The following STRN4 variants were observed in gnomAD, a reference collection of about 807,000 sequenced individuals.
STRN4 encodes the protein striatin 4.
A neutral mutation model predicts 77.9 loss-of-function variants in STRN4; 27 were observed. That is an observed-to-expected ratio of 0.35 (90% confidence interval 0.26 to 0.48). The LOEUF (loss-of-function observed/expected upper bound fraction) is 0.48, where lower values mean the gene tolerates loss of function less well. Ranked by LOEUF, STRN4 falls within the 20% of genes least tolerant of loss-of-function variation. The pLI is 0.99. For missense variants in STRN4, 798 were observed against 1,049.7 expected (o/e 0.76, Z 3.31); for synonymous variants, 466 against 443.1 (o/e 1.05, Z -0.65).
In STRN4 at chr19:46,734,590, A is replaced by G. The variant is rs553546350; in HGVS notation, c.540-1354T>C. On this transcript the variant is annotated intron_variant, in intron 4 of 17. Coordinates refer to ENST00000263280, the MANE Select transcript of STRN4 (RefSeq NM_013403.3). ...TATATGTTGGGTTTTTTTCCTCCATAGGACCAAAGGAAGGAAATTATGAGG... is the reference window on the plus strand; with the variant it reads ...TATATGTTGGGTTTTTTTCCTCCATGGGACCAAAGGAAGGAAATTATGAGG... Among the ~76,000 whole-genome samples the G allele has an allele frequency of 5.9e-5, 9 of 152,342 alleles. No individual in the cohort carries two copies. The South Asian group carries it at 1.4e-3, about 25-fold the overall frequency.
At position 46,722,454 on chromosome 19, in the gene STRN4, G is replaced by C. The variant is rs1293318835; in HGVS notation, c.1907-114C>G. 8 of 1,150,904 alleles carry C rather than the reference G, an allele frequency of 7.0e-6. No homozygotes were observed. In the Admixed American group the frequency reaches 1.4e-4, roughly 20 times the overall value. The allele number at this position is 1,150,904 out of a possible 1,614,324, so 71.3% of individuals were successfully genotyped here. The stretch of plus-strand genomic sequence containing the variant: ...ACACCAGCCTCTGCCTGGATGTCGA[G>C]GGGGGCTGGGCGAGGGCACTCCGGT... On this transcript the variant is annotated intron_variant, in intron 14 of 17. Coordinates refer to ENST00000263280, the MANE Select transcript of STRN4 (RefSeq NM_013403.3).
intron 5 of STRN4, chr19:46,732,612 C>G (rs1284496144): frequency 5.9e-6 from 1 of 170,414 alleles, no homozygotes; most frequent in African/African-American, 2.4e-5. Context: ...CTCGTGGTCT[C>G]CATCGTGCTT....
At chr19:46,731,726 GAC>G (rs2054260096) in intron 5 of STRN4, 1 of 152,566 alleles carries the variant, frequency 6.6e-6, no homozygotes, top group African/African-American at 2.4e-5. Flanking sequence ...CAACGACACT[GAC>G]ACGCCGCACA....
intron 5 of STRN4, chr19:46,731,852 A>C (rs1160943209): frequency 6.6e-6 from 1 of 152,326 alleles, no homozygotes; most frequent in Admixed American, 6.5e-5. Flanking sequence ...TCACTCCTGC[A>C]GGCACTGCAG....
At chr19:46,734,323 G>A (rs148290012) in intron 4 of STRN4, among the ~76,000 whole-genome samples, 125 of 152,334 alleles carry the variant, frequency 8.2e-4, no homozygotes, top group African/African-American at 2.7e-3. Context: ...TGCCAGGCAC[G>A]TAATAGGTAC....
chr19:46,720,657 C>A lies in STRN4; in HGVS notation c.2207G>T (p.Ser736Ile). The change falls in exon 17 of 18, where the codon AGC becomes ATC. Residue 736 changes from serine (S) to isoleucine (I), a missense_variant. Physicochemically the swap from Ser to Ile is moderately radical, Grantham distance 142 (BLOSUM62 -2). This residue lies in a region of STRN4 where 287 missense variants were observed against 473.8 expected (regional missense o/e 0.61). Transcript: ENST00000263280. ...GCCAGCACTGGCAATGAGGGCCTTG[C>A]TGGGGTGGCAGGCAACAGCGTGGAT... is the stretch of plus-strand genomic sequence containing the variant. ...EAIHAVACHP[S>I]KALIASAGAD... 2 of 1,609,490 alleles carry A rather than the reference C, an allele frequency of 1.2e-6. No homozygotes were observed. The highest frequency in any genetic ancestry group is 1.7e-6 in the Non-Finnish European group (2 of 1,177,456).
intron 5 of STRN4, 99 bp from the exon 6 acceptor site, chr19:46,730,972 C>A: frequency 1.3e-6 from 2 of 1,532,588 alleles, no homozygotes; most frequent in East Asian, 2.3e-5. Flanking sequence ...GAGCCCAGAC[C>A]CAGCTAACCC....
At chr19:46,724,742 T>C (rs1405068006) in intron 12 of STRN4, 65 bp downstream of exon 12, 3 of 1,609,192 alleles carry the variant, frequency 1.9e-6, no homozygotes, top group Admixed American at 1.7e-5. Context: ...GCGACGTGTG[T>C]GTGCGTGGAG....
At chr19:46,724,966 A>T in intron 11 of STRN4, 38 bp from the exon 12 acceptor site, 3 of 1,613,026 alleles carry the variant, frequency 1.9e-6, no homozygotes, top group Non-Finnish European at 2.5e-6. Context: ...GGATGAGACA[A>T]GCTCAGGGCC....
In STRN4 at chr19:46,731,087, C is replaced by T. The variant is rs77606759; in HGVS notation, c.738-214G>A. On this transcript the variant is annotated intron_variant, in intron 5 of 17. Coordinates refer to ENST00000263280, the MANE Select transcript of STRN4 (RefSeq NM_013403.3). ...CTGGAAGCCTCACTCAGACCGCAAA[C>T]GGGGCCCAGCTCCTCAATGACCGCC... 5.0e-4 allele frequency among the ~76,000 whole-genome samples: 76 copies of T among 152,332 alleles called. No individual in the cohort carries two copies. In the East Asian group the frequency reaches 0.014, roughly 28 times the overall value.
chr19:46,737,041 C>A, intron 3 of STRN4, 140 bp from the exon 4 acceptor site: 1 of 670,588 alleles, frequency 1.5e-6, no homozygotes, highest in Non-Finnish European at 2.5e-6. Flanking sequence ...TGTTGGAACC[C>A]TGCTCTCTTC....
At chr19:46,722,219 G>C (rs767951898) in intron 15 of STRN4, 23 bp downstream of exon 15, 5 of 1,611,368 alleles carry the variant, frequency 3.1e-6, no homozygotes, top group East Asian at 2.2e-5. Context: ...CACCCACTAC[G>C]AGCACAAGGG....
intron 1 of STRN4, chr19:46,739,458 G>C (rs1160710587): frequency 6.3e-6 from 1 of 159,856 alleles, no homozygotes; most frequent in African/African-American, 2.4e-5. Context: ...TTCCGCCCAG[G>C]GTGTGAGAGA....
Position 46,730,821 on chromosome 19 carries a change from G to GC in STRN4, c.789dup (p.Gln264AlafsTer18). 1 of 1,612,636 alleles carries GC rather than the reference G, an allele frequency of 6.2e-7. No individual in the cohort carries two copies. ...TCGCAGTTCTGCAGGAAGGGGATCTGCCCCAGCACTGAGCCGCCCAAGCGC... is the reference window on the plus strand; with the variant it reads ...TCGCAGTTCTGCAGGAAGGGGATCTGCCCCCAGCACTGAGCCGCCCAAGCGC... On this transcript the variant is annotated frameshift_variant, in exon 6 of 18. Transcript: ENST00000263280. LOFTEE classifies it high-confidence loss of function.
chr19:46,728,091 C>T (rs1219800668), intron 7 of STRN4, 84 bp from the exon 8 acceptor site: 8 of 1,230,028 alleles, frequency 6.5e-6, no homozygotes, highest in Non-Finnish European at 8.1e-6. Context: ...ACACTGAGGG[C>T]CCCCTGCCAC....
intron 1 of STRN4, among the ~76,000 whole-genome samples, chr19:46,742,526 G>A (rs996177032): frequency 2.0e-5 from 3 of 152,076 alleles, no homozygotes; most frequent in Non-Finnish European, 2.9e-5. Context: ...GAGTAAACTG[G>A]TGGGTCAATG....
At position 46,746,274 on chromosome 19, in the gene STRN4, T is replaced by G; in HGVS notation, c.157A>C (p.Ser53Arg). ...PAGKGGGGGGSPGPTAGPEPL... is the reference protein window; with the variant it reads ...PAGKGGGGGGRPGPTAGPEPL... ...TCCGGGCCCGCCGTGGGCCCGGGGC[T>G]GCCTCCGCCGCCGCCTCCCTTACCT... The change falls in exon 1 of 18, where the codon AGC (serine) becomes CGC (arginine). Residue 53 changes from serine to arginine, a missense_variant. Ser to Arg is a moderately radical substitution (Grantham distance 110). Around this residue, in one of 2 missense-constraint regions of STRN4, gnomAD observed 511 missense variants for 575.9 expected, o/e 0.89. Coordinates refer to ENST00000263280, the MANE Select transcript of STRN4 (RefSeq NM_013403.3). The G allele has an allele frequency of 1.4e-6, 2 of 1,453,310 alleles. No individual in the cohort carries two copies. Among genetic ancestry groups the G allele is most frequent in the Non-Finnish European group, 9.0e-7 (1 of 1,106,174 alleles). 90.0% of individuals were successfully genotyped at this position (1,453,310 alleles called of 1,614,324 possible).
Position 46,728,620 on chromosome 19 carries a change from A to C in STRN4, c.1037T>G (p.Leu346Arg). Residue 346 changes from leucine (L) to arginine (R), a missense_variant and splice_region_variant, in exon 7 of 18, where the codon CTG becomes CGG. Leu to Arg is a moderately radical substitution (Grantham distance 102, BLOSUM62 -2). Around this residue, in one of 2 missense-constraint regions of STRN4, gnomAD observed 511 missense variants for 575.9 expected, o/e 0.89. Transcript: ENST00000263280. ...RCTVDGSPHE[L>R]ESRRVKLQGI... ...CTGGCCAGAAAACGTCAGCTCACCC[A>C]GCTCATGGGGGCTCCCATCCACAGT... The C allele has an allele frequency of 6.2e-7, 1 of 1,611,704 alleles. No homozygotes were observed. Among genetic ancestry groups the C allele is most frequent in the Non-Finnish European group, 8.5e-7 (1 of 1,178,594 alleles).
intron 1 of STRN4, 110 bp downstream of exon 1, chr19:46,746,036 CCCG>C: frequency 8.1e-7 from 1 of 1,227,566 alleles, no homozygotes; most frequent in Non-Finnish European, 1.0e-6. Context: ...CTCCCGCCCC[CCCG>C]CCGGCCGTCC....
Sources: allele counts gnomAD v4.1 joint callset (sites outside exome capture counted in the v4.1 genomes callset), GRCh38; gene constraint gnomAD v4.1.1; regional missense constraint gnomAD v4.1.1; transcripts MANE v1.5; gene names NCBI Gene and HGNC (gene_info 2026-07-23, HGNC 2026-07-21).